ANKDD1B: variants seen among roughly 807,000 people sequenced by gnomAD.
ANKDD1B encodes ankyrin repeat and death domain-containing protein 1B.
In ANKDD1B, 57 loss-of-function variants were observed where a neutral mutation model predicts 59.7. The ratio of observed to expected loss-of-function variants is 0.95; its 90% confidence interval spans 0.77 to 1.19. The LOEUF (loss-of-function observed/expected upper bound fraction) is 1.19, where lower values mean the gene tolerates loss of function less well. Among genes scored for constraint, ANKDD1B ranks in the 50% most tolerant of loss-of-function variants. The pLI is 0.00. For missense variants in ANKDD1B, 602 were observed against 641.9 expected (o/e 0.94, Z 0.67); for synonymous variants, 216 against 239.5 (o/e 0.90, Z 0.91).
chr5:75,658,248 C>T (rs1162381853), intron 9 of ANKDD1B, among the ~76,000 whole-genome samples: 1 of 151,946 alleles, frequency 6.6e-6, no homozygotes, highest in East Asian at 1.9e-4. Flanking sequence ...TTGGTAATAT[C>T]CCCAGCATAT....
At chr5:75,626,040 A>T in intron 5 of ANKDD1B, 85 bp downstream of exon 5, 1 of 1,011,130 alleles carries the variant, frequency 9.9e-7, no homozygotes, top group South Asian at 1.5e-5. Context: ...CTGTGAAAGC[A>T]GCCAGCACAG....
chr5:75,645,321 G>T (rs1219600900), intron 7 of ANKDD1B, among the ~76,000 whole-genome samples: 2 of 104,284 alleles, frequency 1.9e-5, no homozygotes, highest in Non-Finnish European at 3.4e-5. Context: ...CTGGTTTTTT[G>T]AAAGGATCAA....
intron 5 of ANKDD1B, 94 bp downstream of exon 5, chr5:75,626,049 A>T: frequency 2.2e-6 from 2 of 903,996 alleles, no homozygotes; most frequent in Non-Finnish European, 3.4e-6. Flanking sequence ...CAGCCAGCAC[A>T]GACAGACCCG....
At chr5:75,653,323 G>A in intron 8 of ANKDD1B, 83 bp downstream of exon 8, 1 of 900,312 alleles carries the variant, frequency 1.1e-6, no homozygotes, top group South Asian at 1.5e-5. Flanking sequence ...GCAGATACGT[G>A]TAGGAGATGA....
intron 11 of ANKDD1B, 60 bp downstream of exon 11, chr5:75,663,549 G>C (rs994911441): frequency 4.7e-6 from 6 of 1,287,476 alleles, no homozygotes; most frequent in Non-Finnish European, 6.5e-6. Context: ...TCTTCTTGCA[G>C]GGGCAATGGG....
Position 75,666,833 on chromosome 5 carries a change from T to C in ANKDD1B, c.1233T>C (p.Thr411=). Residue 411 remains threonine (T), a synonymous_variant, in exon 12 of 14, where the codon ACT becomes ACC. Coordinates refer to ENST00000601380, the MANE Select transcript of ANKDD1B (RefSeq NM_001276713.2). The part of the protein sequence containing the change: ...ESIRDPSTGF[T]LTFKQDHSLE... ...TCAGGGACCCGTCAACAGGCTTTAC[T>C]CTGACATTCAAGCAAGATCACAGTC... The C allele has an allele frequency of 6.5e-7, 1 of 1,536,030 alleles. No homozygotes were observed. Among genetic ancestry groups the C allele is most frequent in the Non-Finnish European group, 8.7e-7 (1 of 1,146,846 alleles).
Position 75,663,475 on chromosome 5 carries a change from T to C in ANKDD1B, c.1177T>C (p.Tyr393His). Residue 393 changes from tyrosine (Y) to histidine (H), a missense_variant, in exon 11 of 14, where the codon TAC (tyrosine) becomes CAC (histidine). Around this residue, in one of 3 missense-constraint regions of ANKDD1B, gnomAD observed 280 missense variants for 319.8 expected, o/e 0.88. Coordinates refer to ENST00000601380, the MANE Select transcript of ANKDD1B (RefSeq NM_001276713.2). ...VGMLIKAERY[Y>H]AWREEHHESI... ...CATGCTCATTAAAGCAGAGAGATAC[T>C]ACGCCTGGAGAGAGGTAAGGAAGGA... is the stretch of plus-strand genomic sequence containing the variant. 2.6e-6 allele frequency: 4 copies of C among 1,536,302 alleles called. No homozygotes were observed. Among genetic ancestry groups the C allele is most frequent in the Admixed American group, 2.0e-5 (1 of 51,008 alleles).
chr5:75,650,976 T>C (rs1004491396), intron 7 of ANKDD1B, among the ~76,000 whole-genome samples: 2 of 152,226 alleles, frequency 1.3e-5, no homozygotes, highest in East Asian at 1.9e-4. Flanking sequence ...GGAGCTCACC[T>C]GGGCCTCACC....
At chr5:75,613,730 G>A (rs1050816776) in intron 1 of ANKDD1B, among the ~76,000 whole-genome samples, 1 of 152,190 alleles carries the variant, frequency 6.6e-6, no homozygotes, top group South Asian at 2.1e-4. Context: ...AGATTAGTGG[G>A]GAAGAATTTA....
intron 10 of ANKDD1B, among the ~76,000 whole-genome samples, chr5:75,662,988 G>A (rs973261095): frequency 2.6e-5 from 4 of 152,124 alleles, no homozygotes; most frequent in Admixed American, 2.0e-4. Flanking sequence ...TAAAGTGGCT[G>A]TTCAGGCTCC....
At chr5:75,627,376 C>T (rs76475128) in intron 5 of ANKDD1B, among the ~76,000 whole-genome samples, 7,635 of 152,116 alleles carry the variant, frequency 0.05, 290 homozygotes, top group East Asian at 0.19. Context: ...TATGCAAATG[C>T]GCTTCGTGGT....
intron 2 of ANKDD1B, among the ~76,000 whole-genome samples, chr5:75,618,596 T>C (rs1386627823): frequency 6.6e-6 from 1 of 152,234 alleles, no homozygotes; most frequent in African/African-American, 2.4e-5. Context: ...AAAATATAAG[T>C]AATTTTATTG....
intron 7 of ANKDD1B, among the ~76,000 whole-genome samples, chr5:75,637,012 C>T (rs1268214859): frequency 1.3e-5 from 2 of 151,658 alleles, no homozygotes; most frequent in African/African-American, 2.4e-5. Flanking sequence ...TTTGGGCGGC[C>T]GAGGTAGGCG....
intron 7 of ANKDD1B, among the ~76,000 whole-genome samples, chr5:75,648,518 G>T (rs1396747284): frequency 6.6e-6 from 1 of 152,150 alleles, no homozygotes; most frequent in East Asian, 1.9e-4. Context: ...ATTTTCATAT[G>T]CACACGTTCT....
At chr5:75,661,573 T>C (rs60005967) in intron 10 of ANKDD1B, among the ~76,000 whole-genome samples, 10,418 of 152,162 alleles carry the variant, frequency 0.068, 571 homozygotes, top group South Asian at 0.17. Flanking sequence ...TTAGTATTTT[T>C]TAATGCTGTT....
At chr5:75,611,930 G>T in intron 1 of ANKDD1B, 103 bp downstream of exon 1, 1 of 1,001,120 alleles carries the variant, frequency 1.0e-6, no homozygotes, top group Non-Finnish European at 1.3e-6. Flanking sequence ...GCTGCAGGAG[G>T]GAAACTGGCG....
At chr5:75,617,712 T>G (rs934054420) in intron 2 of ANKDD1B, among the ~76,000 whole-genome samples, 1 of 152,200 alleles carries the variant, frequency 6.6e-6, no homozygotes, top group Non-Finnish European at 1.5e-5. Flanking sequence ...TATGTTCCTA[T>G]GACTATATGA....
At chr5:75,619,864 A>C (rs1005062610) in intron 2 of ANKDD1B, among the ~76,000 whole-genome samples, 3 of 152,076 alleles carry the variant, frequency 2.0e-5, no homozygotes, top group Non-Finnish European at 2.9e-5. Context: ...CTTCAGTAAA[A>C]TTTACAGTCC....
chr5:75,668,363 C>T (rs1336436956), intron 12 of ANKDD1B, among the ~76,000 whole-genome samples: 1 of 151,986 alleles, frequency 6.6e-6, no homozygotes, highest in East Asian at 1.9e-4. Flanking sequence ...AGTTTGTGGG[C>T]TTTTGATCAA....
Sources: allele counts gnomAD v4.1 joint callset (sites outside exome capture counted in the v4.1 genomes callset), GRCh38; gene constraint gnomAD v4.1.1; regional missense constraint gnomAD v4.1.1; transcripts MANE v1.5; gene names NCBI Gene and HGNC (gene_info 2026-07-23, HGNC 2026-07-21).